The following SPATS2 variants were observed in gnomAD, a reference collection of about 807,000 sequenced individuals.
SPATS2 encodes the protein spermatogenesis-associated serine-rich protein 2.
Under a neutral mutation model 63.7 loss-of-function variants are expected in SPATS2, and 38 were observed. The ratio of observed to expected loss-of-function variants is 0.60; its 90% CI spans 0.46 to 0.78. SPATS2 has a LOEUF of 0.78. SPATS2 is among the 30% of genes least tolerant of loss of function. The probability of loss-of-function intolerance (pLI) is 0.00; values close to 1 mark genes in which losing one functional copy is unlikely to be tolerated. For missense variants in SPATS2, 588 were observed against 666.2 expected, an observed-to-expected ratio of 0.88 and a Z score of 1.29; for synonymous variants, 207 against 232.9, an observed-to-expected ratio of 0.89 and a Z score of 1.01.
At chr12:49,470,791 T>C (rs1946021771) in intron 3 of SPATS2, among the ~76,000 whole-genome samples, 2 of 152,236 alleles carry the variant, frequency 1.3e-5, no homozygotes, top group Admixed American at 1.3e-4. Context: ...GAAATATCAT[T>C]AGCCTGTTAG....
At chr12:49,434,833 G>A (rs1195836688) in intron 2 of SPATS2, among the ~76,000 whole-genome samples, 1 of 152,020 alleles carries the variant, frequency 6.6e-6, no homozygotes, top group East Asian at 1.9e-4. Flanking sequence ...TTATCATTTA[G>A]TAAGCAGTAA....
rs1221184435 is a variant in SPATS2 at position 49,435,722 on chromosome 12, T to C, written c.-243-25048T>C. Among the ~76,000 whole-genome samples, 4 of 139,990 alleles carry C rather than the reference T, an allele frequency of 2.9e-5. No individual in the cohort carries two copies. The Admixed American group carries it at 3.2e-4, about 11-fold the overall frequency. 91.8% of individuals were successfully genotyped at this position (139,990 alleles called of 152,430 possible). On this transcript the variant is annotated intron_variant, in intron 2 of 13. Transcript: ENST00000552918. ...GGGATTTGGCAGGGTCACAGGACAA[T>C]AGCGGAGGGAAGGTCAGCAGATAAG...
chr12:49,409,841 G>T (rs559297183), intron 2 of SPATS2, among the ~76,000 whole-genome samples: 3 of 151,984 alleles, frequency 2.0e-5, no homozygotes, highest in Admixed American at 6.6e-5. Flanking sequence ...GACATCTAGT[G>T]ATCCACCTGC....
intron 2 of SPATS2, among the ~76,000 whole-genome samples, chr12:49,410,046 GGAA>G (rs1944769703): frequency 6.6e-6 from 1 of 151,948 alleles, no homozygotes. Flanking sequence ...AATCAGGGCT[GGAA>G]GAAGTTTTGT....
At chr12:49,465,672 G>A (rs1290168676) in intron 3 of SPATS2, among the ~76,000 whole-genome samples, 1 of 152,060 alleles carries the variant, frequency 6.6e-6, no homozygotes, top group Non-Finnish European at 1.5e-5. Context: ...GGCCGGGCGC[G>A]GTGGCTCACA....
intron 9 of SPATS2, chr12:49,512,779 T>C: frequency 1.1e-6 from 1 of 948,822 alleles, no homozygotes; most frequent in Non-Finnish European, 1.4e-6. Flanking sequence ...CATCTTAAGG[T>C]GATTTGGCAA....
At chr12:49,407,398 G>A (rs1234341790) in intron 2 of SPATS2, among the ~76,000 whole-genome samples, 1 of 152,110 alleles carries the variant, frequency 6.6e-6, no homozygotes, top group Non-Finnish European at 1.5e-5. Flanking sequence ...GGACTAAAAG[G>A]TTGTACAAAG....
chr12:49,497,871 TAAAC>T (rs899121559), intron 8 of SPATS2, among the ~76,000 whole-genome samples: 3 of 151,968 alleles, frequency 2.0e-5, no homozygotes, highest in Non-Finnish European at 4.4e-5. Flanking sequence ...AATAATCATT[TAAAC>T]AAACAGCCAG....
At chr12:49,376,072 G>C (rs1944094556) in intron 2 of SPATS2, among the ~76,000 whole-genome samples, 1 of 141,114 alleles carries the variant, frequency 7.1e-6, no homozygotes, top group East Asian at 2.1e-4. Flanking sequence ...TTACAGGCAT[G>C]AACCACTGCA....
At chr12:49,429,402 C>T (rs1476120748) in intron 2 of SPATS2, among the ~76,000 whole-genome samples, 4 of 152,024 alleles carry the variant, frequency 2.6e-5, no homozygotes. Context: ...GTTGAGAAAG[C>T]GGACTTAGAG....
chr12:49,403,126 G>A (rs1343777791), intron 2 of SPATS2, among the ~76,000 whole-genome samples: 3 of 152,156 alleles, frequency 2.0e-5, no homozygotes, highest in Admixed American at 2.0e-4. Context: ...GACACATCAT[G>A]ATGACATTAG....
chr12:49,390,604 T>C (rs1944402169), intron 2 of SPATS2, among the ~76,000 whole-genome samples: 1 of 152,240 alleles, frequency 6.6e-6, no homozygotes, highest in African/African-American at 2.4e-5. Flanking sequence ...ACAAAGTTTA[T>C]GTACCATGAG....
intron 3 of SPATS2, among the ~76,000 whole-genome samples, chr12:49,471,725 A>G (rs978905290): frequency 4.1e-4 from 62 of 152,208 alleles, no homozygotes; most frequent in African/African-American, 1.4e-3. Flanking sequence ...CATGTCCAGA[A>G]CTGTTTTCAT....
At chr12:49,521,309 A>G (rs12306942) in intron 11 of SPATS2, among the ~76,000 whole-genome samples, 2,155 of 152,350 alleles carry the variant, frequency 0.014, 48 homozygotes, top group African/African-American at 0.047. Flanking sequence ...AGGGATCCTT[A>G]CTATCGTCTG....
In SPATS2 at chr12:49,524,846, C is replaced by T; in HGVS notation, c.1276C>T (p.Pro426Ser). 2 of 1,612,872 alleles carry T rather than the reference C, an allele frequency of 1.2e-6. No individual in the cohort carries two copies. The highest frequency in any genetic ancestry group is 1.7e-6 in the Non-Finnish European group (2 of 1,179,764). The part of the protein sequence containing the change: ...NKKNFAPGET[P>S]AAIANSSGQP... The stretch of plus-strand genomic sequence containing the variant: ...GAAAAACTTTGCACCGGGAGAGACT[C>T]CTGCAGCCATAGCAAACTCCAGTGG... The change falls in exon 13 of 14, where the codon CCT becomes TCT. Residue 426 changes from proline to serine, a missense_variant. Coordinates refer to ENST00000552918, the MANE Select transcript of SPATS2 (RefSeq NM_023071.4).
At chr12:49,397,282 C>T (rs945106785) in intron 2 of SPATS2, among the ~76,000 whole-genome samples, 1 of 152,160 alleles carries the variant, frequency 6.6e-6, no homozygotes, top group African/African-American at 2.4e-5. Flanking sequence ...TGGCATGTAT[C>T]ATAGTTTTTT....
intron 4 of SPATS2, among the ~76,000 whole-genome samples, chr12:49,484,995 A>G (rs1188157577): frequency 1.3e-5 from 2 of 152,104 alleles, no homozygotes; most frequent in Non-Finnish European, 2.9e-5. Flanking sequence ...GAACAATCGA[A>G]TAGGATCTTC....
chr12:49,453,582 C>T (rs764085441), intron 2 of SPATS2, among the ~76,000 whole-genome samples: 3 of 151,992 alleles, frequency 2.0e-5, no homozygotes, highest in Non-Finnish European at 4.4e-5. Flanking sequence ...GAAGTCAGGG[C>T]AGGAGGATTG....
At chr12:49,513,187 T>G (rs1196428708) in intron 9 of SPATS2, among the ~76,000 whole-genome samples, 4 of 151,402 alleles carry the variant, frequency 2.6e-5, no homozygotes, top group Non-Finnish European at 5.9e-5. Context: ...TTGAGCTAAA[T>G]TGAATTAGAG....
Sources: gnomAD v4.1 joint callset for allele counts (sites outside exome capture counted in the v4.1 genomes callset) on GRCh38, gnomAD v4.1.1 for gene constraint, MANE v1.5 for transcripts, NCBI Gene and HGNC (gene_info 2026-07-23, HGNC 2026-07-21) for gene names.